Variants in CSMD1 observed in about 807,000 individuals in gnomAD.
The protein encoded by CSMD1 is CUB and sushi domain-containing protein 1.
Under a neutral mutation model 417.5 loss-of-function variants are expected in CSMD1, and 213 were observed. The observed-to-expected ratio is 0.51, with a 90% CI of 0.46 to 0.57. CSMD1 has a LOEUF of 0.57. CSMD1 is among the 20% of genes least tolerant of loss of function. The pLI is 0.00. For synonymous variants in CSMD1, 2,862 were observed against 1,736.8 expected (o/e 1.65, Z -16.11); for missense variants, 6,923 against 4,529.7 (o/e 1.53, Z -15.17).
chr8:4,718,470 A>C (rs1808834316), intron 1 of CSMD1, among the ~76,000 whole-genome samples: 1 of 152,302 alleles, frequency 6.6e-6, no homozygotes, highest in Non-Finnish European at 1.5e-5. Flanking sequence ...TCACTCCTGA[A>C]GACAGGAACT....
chr8:4,127,560 C>A (rs188888995), intron 3 of CSMD1, among the ~76,000 whole-genome samples: 1 of 151,818 alleles, frequency 6.6e-6, no homozygotes, highest in Admixed American at 6.6e-5. Context: ...GTTTTCCTTC[C>A]TTTCCACAGA....
chr8:3,695,857 C>T (rs1442720328), intron 7 of CSMD1, among the ~76,000 whole-genome samples: 1 of 152,112 alleles, frequency 6.6e-6, no homozygotes, highest in East Asian at 1.9e-4. Flanking sequence ...ACAGAAATTA[C>T]CATTATATTT....
intron 45 of CSMD1, 115 bp downstream of exon 45, chr8:3,107,603 T>TTTTTGG: frequency 1.5e-6 from 1 of 668,428 alleles, no homozygotes; most frequent in Non-Finnish European, 2.6e-6. Flanking sequence ...TTTGTTTCTG[T>TTTTTGG]TTTTGTTTCT....
chr8:3,535,734 T>G (rs1317046552), intron 10 of CSMD1, among the ~76,000 whole-genome samples: 1 of 152,240 alleles, frequency 6.6e-6, no homozygotes, highest in Admixed American at 6.5e-5. Flanking sequence ...AAACTTGATT[T>G]TAACCTTCAA....
chr8:2,958,762 G>C (rs1803218598), intron 62 of CSMD1, among the ~76,000 whole-genome samples: 1 of 152,230 alleles, frequency 6.6e-6, no homozygotes, highest in African/African-American at 2.4e-5. Flanking sequence ...CACCAAGTTA[G>C]CATCCAAAGA....
chr8:3,214,483 A>G lies in CSMD1; in HGVS notation c.4867+14T>C. 6.5e-7 allele frequency: 1 copy of G among 1,529,236 alleles called. No individual in the cohort carries two copies. The highest frequency in any genetic ancestry group is 8.8e-7 in the Non-Finnish European group (1 of 1,139,816). The allele number at this position is 1,529,236 out of a possible 1,614,324, so 94.7% of individuals were successfully genotyped here. A position where few individuals can be genotyped will look rare whatever the true frequency, so the allele number is the denominator to read the frequency against. ...AAAGTTGTATTTCTAGAAAATACCC[A>G]AGCGTGCACTCACCATTGCAGGAGG... On this transcript the variant is annotated intron_variant, in intron 30 of 69. Coordinates refer to ENST00000635120, the MANE Select transcript of CSMD1 (RefSeq NM_033225.6).
At chr8:3,713,184 G>C (rs1396714190) in intron 6 of CSMD1, among the ~76,000 whole-genome samples, 1 of 152,080 alleles carries the variant, frequency 6.6e-6, no homozygotes, top group Non-Finnish European at 1.5e-5. Flanking sequence ...ATATACCTAA[G>C]GGATACATTA....
chr8:3,611,334 A>G (rs554238838), intron 8 of CSMD1, among the ~76,000 whole-genome samples: 1 of 152,224 alleles, frequency 6.6e-6, no homozygotes, highest in Admixed American at 6.5e-5. Flanking sequence ...ATGTGTCTCT[A>G]GGGCTTGGTG....
intron 10 of CSMD1, among the ~76,000 whole-genome samples, chr8:3,544,544 T>A (rs1049558102): frequency 1.3e-5 from 2 of 152,030 alleles, no homozygotes; most frequent in East Asian, 3.9e-4. Context: ...TCGCCCTGAA[T>A]TGTTTCTTGC....
At chr8:3,454,528 C>A (rs1815976032) in intron 12 of CSMD1, among the ~76,000 whole-genome samples, 3 of 152,146 alleles carry the variant, frequency 2.0e-5, no homozygotes, top group Non-Finnish European at 4.4e-5. Flanking sequence ...AATCTCTCAG[C>A]ATTTGCTTGT....
At position 3,520,039 on chromosome 8, in the gene CSMD1, T is replaced by TATATATATATATATATATATAC. The variant is rs545212684; in HGVS notation, c.1345-26314_1345-26313insGTATATATATATATATATATAT. ...ATATACCTATATATATATATATATATACACGTATAGTTGTGAAACTTGCTC... is the reference window on the plus strand; with the variant it reads ...ATATACCTATATATATATATATATATATATATATATATATATATATACACACGTATAGTTGTGAAACTTGCTC... On this transcript the variant is annotated intron_variant, in intron 10 of 69. Transcript: ENST00000635120. 1.7e-3 allele frequency among the ~76,000 whole-genome samples: 255 copies of TATATATATATATATATATATAC among 147,112 alleles called. 2 individuals are homozygous for TATATATATATATATATATATAC. The highest frequency in any genetic ancestry group is 5.1e-3 in the African/African-American group (198 of 38,684).
chr8:3,403,822 C>T (rs1394355734), intron 15 of CSMD1, among the ~76,000 whole-genome samples: 1 of 152,164 alleles, frequency 6.6e-6, no homozygotes, highest in Admixed American at 6.5e-5. Flanking sequence ...TATATTTACT[C>T]ATTTATAAAA....
intron 3 of CSMD1, among the ~76,000 whole-genome samples, chr8:4,129,525 G>C (rs962018046): frequency 2.0e-5 from 3 of 152,122 alleles, no homozygotes; most frequent in African/African-American, 7.2e-5. Flanking sequence ...CAGGGCATAG[G>C]AATCCGATTT....
chr8:3,868,340 C>T (rs1043274306), intron 5 of CSMD1, among the ~76,000 whole-genome samples: 2 of 152,072 alleles, frequency 1.3e-5, no homozygotes, highest in Non-Finnish European at 2.9e-5. Flanking sequence ...TATTTTTTGC[C>T]TTCCTTTCTC....
At chr8:4,072,232 T>G (rs1050528648) in intron 3 of CSMD1, among the ~76,000 whole-genome samples, 2 of 152,184 alleles carry the variant, frequency 1.3e-5, no homozygotes, top group Admixed American at 6.5e-5. Context: ...CAGTTGCAAG[T>G]GAAGAAGGGT....
intron 3 of CSMD1, among the ~76,000 whole-genome samples, chr8:4,089,805 T>G (rs569331729): frequency 6.6e-6 from 1 of 152,088 alleles, no homozygotes; most frequent in African/African-American, 2.4e-5. Context: ...CTACCGAGTG[T>G]GTTTGGTCTT....
intron 7 of CSMD1, among the ~76,000 whole-genome samples, chr8:3,637,008 T>A (rs537809187): frequency 6.6e-6 from 1 of 152,144 alleles, no homozygotes; most frequent in Non-Finnish European, 1.5e-5. Flanking sequence ...TTGTTGCCCA[T>A]CTGCCTTCCA....
chr8:4,180,359 T>C (rs1018902138), intron 3 of CSMD1, among the ~76,000 whole-genome samples: 2 of 142,144 alleles, frequency 1.4e-5, no homozygotes, highest in South Asian at 2.2e-4. Context: ...TTCTCACTCA[T>C]ACATGGGAAT....
At chr8:3,719,024 A>C (rs544801596) in intron 6 of CSMD1, among the ~76,000 whole-genome samples, 2 of 152,252 alleles carry the variant, frequency 1.3e-5, no homozygotes, top group Admixed American at 6.5e-5. Context: ...CAGAAACAAC[A>C]TTCTTCCTGC....
Sources: gnomAD v4.1 joint callset for allele counts (sites outside exome capture counted in the v4.1 genomes callset) on GRCh38, gnomAD v4.1.1 for gene constraint, MANE v1.5 for transcripts, NCBI Gene and HGNC (gene_info 2026-07-23, HGNC 2026-07-21) for gene names.